ZSWIM6: variants seen among roughly 807,000 people sequenced by gnomAD.
The protein encoded by ZSWIM6 is zinc finger SWIM domain-containing protein 6.
A neutral mutation model predicts 113.2 loss-of-function variants in ZSWIM6; 9 were observed. That is an observed-to-expected ratio of 0.08 (90% CI 0.05 to 0.14). The LOEUF (loss-of-function observed/expected upper bound fraction) is 0.14. ZSWIM6 is among the 10% of genes least tolerant of loss of function. The pLI is 1.00. For missense variants in ZSWIM6, 1,162 were observed against 1,552.2 expected (o/e 0.75, Z 4.22); for synonymous variants, 611 against 606.5 (o/e 1.01, Z -0.11).
rs369535203 is a variant in ZSWIM6 at position 61,369,272 on chromosome 5, C to A, written c.676+36324C>A. Among the ~76,000 whole-genome samples the A allele has an allele frequency of 1.2e-4, 19 of 152,302 alleles. No individual in the cohort carries two copies. In the South Asian group the frequency reaches 3.7e-3, roughly 30 times the overall value. ...CTATTAGAGAATTTATCTTATATAA[C>A]ATTTATTTCAATCAAAATGATCTTT... is the stretch of plus-strand genomic sequence containing the variant. On this transcript the variant is annotated intron_variant, in intron 1 of 13. Transcript: ENST00000252744.
chr5:61,357,339 C>T (rs1035479881), intron 1 of ZSWIM6, among the ~76,000 whole-genome samples: 16 of 152,110 alleles, frequency 1.1e-4, no homozygotes, highest in Admixed American at 3.9e-4. Flanking sequence ...AAAGATAATA[C>T]AGTCACTAGG....
chr5:61,466,846 A>G (rs1747447534), intron 1 of ZSWIM6, among the ~76,000 whole-genome samples: 1 of 152,194 alleles, frequency 6.6e-6, no homozygotes, highest in South Asian at 2.1e-4. Flanking sequence ...AATTTAACCT[A>G]AGATATGAAA....
intron 1 of ZSWIM6, among the ~76,000 whole-genome samples, chr5:61,381,125 TG>T (rs1478848356): frequency 6.6e-6 from 1 of 152,026 alleles, no homozygotes; most frequent in African/African-American, 2.4e-5. Context: ...TGGTGGCACG[TG>T]CCTGTAATCC....
At chr5:61,542,292 A>G (rs752492900) in intron 13 of ZSWIM6, among the ~76,000 whole-genome samples, 6 of 152,196 alleles carry the variant, frequency 3.9e-5, no homozygotes, top group Non-Finnish European at 8.8e-5. Context: ...ATCTGAAGGC[A>G]TACATCATGG....
intron 5 of ZSWIM6, 97 bp downstream of exon 5, chr5:61,521,539 A>G (rs1749120931): frequency 9.5e-7 from 1 of 1,056,700 alleles, no homozygotes; most frequent in African/African-American, 1.7e-5. Context: ...AAATGATTTT[A>G]CCAACTTAAG....
rs1252256229 is a variant in ZSWIM6, at chr5:61,535,477, C to T, written c.2246-7C>T. The stretch of plus-strand genomic sequence containing the variant: ...GAACGTAAAATGTGTATGCTCTCTT[C>T]CCACAGCCGGACCATATAGTGGTTT... On this transcript the variant is annotated splice_polypyrimidine_tract_variant and splice_region_variant and intron_variant, in intron 9 of 13. Coordinates refer to ENST00000252744, the MANE Select transcript of ZSWIM6 (RefSeq NM_020928.2). 2.6e-6 allele frequency: 4 copies of T among 1,551,156 alleles called. No homozygotes were observed. Among genetic ancestry groups the T allele is most frequent in the Non-Finnish European group, 2.6e-6 (3 of 1,146,596 alleles).
At chr5:61,423,241 T>G (rs1018255173) in intron 1 of ZSWIM6, among the ~76,000 whole-genome samples, 4 of 152,046 alleles carry the variant, frequency 2.6e-5, no homozygotes, top group African/African-American at 9.7e-5. Flanking sequence ...ACCCCGTCTC[T>G]ACTAAAAATA....
chr5:61,373,116 T>A (rs1042402897), intron 1 of ZSWIM6, among the ~76,000 whole-genome samples: 4 of 152,282 alleles, frequency 2.6e-5, no homozygotes, highest in East Asian at 1.9e-4. Flanking sequence ...TAAAAAATTT[T>A]AAAAAATACC....
At position 61,507,921 on chromosome 5, in the gene ZSWIM6, A is replaced by AAAATACAT. The variant is rs372744718; in HGVS notation, c.1334-13341_1334-13340insAATACATA. Among the ~76,000 whole-genome samples the AAAATACAT allele has an allele frequency of 9.0e-3, 1,365 of 152,326 alleles. 10 individuals are homozygous for AAAATACAT. The highest frequency in any genetic ancestry group is 0.013 in the Admixed American group (202 of 15,286). On this transcript the variant is annotated intron_variant, in intron 4 of 13. Coordinates refer to ENST00000252744, the MANE Select transcript of ZSWIM6 (RefSeq NM_020928.2). ...ATACATAACTATACATACAAATTCC[A>AAAATACAT]ACTTACAGAAGAACCTTCTGACCAC...
rs184479407 is a variant in ZSWIM6, at chr5:61,340,409, G to A, written c.676+7461G>A. On this transcript the variant is annotated intron_variant, in intron 1 of 13. Coordinates refer to ENST00000252744, the MANE Select transcript of ZSWIM6 (RefSeq NM_020928.2). ...CAGAAAAGGAGACAAATTAACCCAGGTGTAATTTGAATGTTGTAACCACAT... is the reference window on the plus strand; with the variant it reads ...CAGAAAAGGAGACAAATTAACCCAGATGTAATTTGAATGTTGTAACCACAT... 5.8e-4 allele frequency among the ~76,000 whole-genome samples: 89 copies of A among 152,242 alleles called. 2 individuals are homozygous for A. The highest frequency in any genetic ancestry group is 2.0e-3 in the African/African-American group (82 of 41,522).
At chr5:61,520,254 T>C (rs146837560) in intron 4 of ZSWIM6, among the ~76,000 whole-genome samples, 169 of 152,340 alleles carry the variant, frequency 1.1e-3, no homozygotes, top group African/African-American at 3.9e-3. Flanking sequence ...TAAACAGACA[T>C]GCACACATAC....
chr5:61,430,490 G>A (rs1016862066), intron 1 of ZSWIM6, among the ~76,000 whole-genome samples: 1 of 152,110 alleles, frequency 6.6e-6, no homozygotes, highest in Admixed American at 6.5e-5. Flanking sequence ...TATTATAGAA[G>A]CTGCTTGTGG....
At chr5:61,428,388 G>T in intron 1 of ZSWIM6, among the ~76,000 whole-genome samples, 1 of 151,862 alleles carries the variant, frequency 6.6e-6, no homozygotes, top group Admixed American at 6.6e-5. Flanking sequence ...TTAGAGATGG[G>T]GTCCCACTCT....
intron 1 of ZSWIM6, among the ~76,000 whole-genome samples, chr5:61,350,579 T>G (rs560682906): frequency 4.6e-5 from 7 of 152,184 alleles, no homozygotes; most frequent in Non-Finnish European, 1.0e-4. Context: ...TAAAGATATG[T>G]AAATTTTATA....
chr5:61,515,794 T>C (rs766295876), intron 4 of ZSWIM6, among the ~76,000 whole-genome samples: 7 of 152,164 alleles, frequency 4.6e-5, no homozygotes, highest in Non-Finnish European at 1.0e-4. Flanking sequence ...TGTCTGTTTC[T>C]CCTTTAAGCT....
intron 2 of ZSWIM6, among the ~76,000 whole-genome samples, chr5:61,485,981 T>C (rs1426701920): frequency 6.6e-6 from 1 of 152,180 alleles, no homozygotes; most frequent in Admixed American, 6.6e-5. Context: ...ATTTTTTATT[T>C]GTATAAATTT....
chr5:61,415,798 T>C (rs927604247), intron 1 of ZSWIM6, among the ~76,000 whole-genome samples: 7 of 152,166 alleles, frequency 4.6e-5, no homozygotes, highest in Non-Finnish European at 1.0e-4. Flanking sequence ...AGTTAATGTA[T>C]ATGCTGCATT....
intron 1 of ZSWIM6, among the ~76,000 whole-genome samples, chr5:61,393,221 T>G (rs1745766886): frequency 6.6e-6 from 1 of 151,098 alleles, no homozygotes; most frequent in Non-Finnish European, 1.5e-5. Flanking sequence ...TTTTTTTTTG[T>G]ATTTTTAGTA....
intron 9 of ZSWIM6, 64 bp downstream of exon 9, chr5:61,531,789 T>C (rs989552932): frequency 1.5e-5 from 23 of 1,509,994 alleles, no homozygotes; most frequent in South Asian, 3.8e-5. Flanking sequence ...ATCTTTCTTA[T>C]GTTAAAAGTG....
Sources: gnomAD v4.1 joint callset for allele counts (sites outside exome capture counted in the v4.1 genomes callset) on GRCh38, gnomAD v4.1.1 for gene constraint, MANE v1.5 for transcripts, NCBI Gene and HGNC (gene_info 2026-07-23, HGNC 2026-07-21) for gene names.